Variants in ASTN2 observed in about 807,000 individuals in gnomAD.
The protein encoded by ASTN2 is astrotactin-2.
ASTN2 carries 54 observed loss-of-function variants against 139.8 expected under a neutral mutation model. That is an observed-to-expected ratio of 0.39 (90% CI 0.31 to 0.48). ASTN2 has a LOEUF of 0.48. Ranked by LOEUF, ASTN2 falls within the 20% of genes least tolerant of loss-of-function variation. The pLI, the probability that ASTN2 is intolerant of heterozygous loss-of-function variation, is 0.95. For synonymous variants in ASTN2, 756 were observed against 719.5 expected (o/e 1.05, Z -0.81); for missense variants, 1,565 against 1,725.1 (o/e 0.91, Z 1.64).
At chr9:116,722,593 G>T (rs1484380841) in intron 16 of ASTN2, among the ~76,000 whole-genome samples, 3 of 152,140 alleles carry the variant, frequency 2.0e-5, no homozygotes, top group Non-Finnish European at 4.4e-5. Flanking sequence ...CATCTTCTTG[G>T]CCTTTTGCCT....
intron 13 of ASTN2, among the ~76,000 whole-genome samples, chr9:116,749,889 C>T (rs1204035146): frequency 6.6e-6 from 1 of 152,206 alleles, no homozygotes; most frequent in Non-Finnish European, 1.5e-5. Flanking sequence ...CTCCCCCTAC[C>T]TTCCAACATA....
intron 10 of ASTN2, among the ~76,000 whole-genome samples, chr9:116,896,255 C>A (rs1433978521): frequency 6.6e-6 from 1 of 152,120 alleles, no homozygotes; most frequent in African/African-American, 2.4e-5. Context: ...TGGAGGAAAG[C>A]AAACAAGGGT....
intron 11 of ASTN2, among the ~76,000 whole-genome samples, chr9:116,840,931 C>A (rs916632112): frequency 1.1e-4 from 17 of 151,118 alleles, no homozygotes; most frequent in Non-Finnish European, 2.4e-4. Context: ...ACATCCCAGA[C>A]GATAGGCGGC....
intron 10 of ASTN2, among the ~76,000 whole-genome samples, chr9:116,943,556 A>C (rs573600815): frequency 6.6e-6 from 1 of 152,154 alleles, no homozygotes; most frequent in Non-Finnish European, 1.5e-5. Flanking sequence ...TATGTACATT[A>C]TATCTCCAAA....
At chr9:117,261,012 T>A (rs1180523310) in intron 2 of ASTN2, among the ~76,000 whole-genome samples, 2 of 152,184 alleles carry the variant, frequency 1.3e-5, no homozygotes, top group Non-Finnish European at 2.9e-5. Flanking sequence ...GTGAATAAAT[T>A]GTAAAGTGAA....
intron 2 of ASTN2, among the ~76,000 whole-genome samples, chr9:117,267,930 G>A (rs550106210): frequency 2.6e-4 from 39 of 152,320 alleles, no homozygotes; most frequent in African/African-American, 9.4e-4. Flanking sequence ...AGCCAGAGCA[G>A]ACCCACTTTG....
chr9:117,281,024 C>T (rs967241292), intron 2 of ASTN2, among the ~76,000 whole-genome samples: 2 of 152,092 alleles, frequency 1.3e-5, no homozygotes, highest in African/African-American at 4.8e-5. Flanking sequence ...TTTTCTGCCC[C>T]ATTTATTTAT....
At chr9:116,706,304 C>T (rs570421789) in intron 16 of ASTN2, among the ~76,000 whole-genome samples, 2 of 152,274 alleles carry the variant, frequency 1.3e-5, no homozygotes, top group African/African-American at 4.8e-5. Context: ...TACAGTCAGA[C>T]TCATTTGTTG....
At chr9:116,672,388 T>G (rs1461395657) in intron 16 of ASTN2, among the ~76,000 whole-genome samples, 1 of 151,974 alleles carries the variant, frequency 6.6e-6, no homozygotes, top group African/African-American at 2.4e-5. Context: ...AATCTAGTAA[T>G]TATAAACTTC....
intron 5 of ASTN2, among the ~76,000 whole-genome samples, chr9:117,091,926 T>C (rs1482258974): frequency 6.6e-6 from 1 of 152,118 alleles, no homozygotes; most frequent in Non-Finnish European, 1.5e-5. Flanking sequence ...AGAGGACTTT[T>C]AGCAGTTTTA....
chr9:116,865,613 T>C (rs1156247426), intron 10 of ASTN2, among the ~76,000 whole-genome samples: 1 of 151,960 alleles, frequency 6.6e-6, no homozygotes, highest in East Asian at 1.9e-4. Flanking sequence ...ATCCCCACAG[T>C]AGCCAGTCAT....
At chr9:116,917,678 C>T (rs1230562369) in intron 10 of ASTN2, among the ~76,000 whole-genome samples, 3 of 152,166 alleles carry the variant, frequency 2.0e-5, no homozygotes, top group Admixed American at 6.5e-5. Flanking sequence ...CTTATAAATA[C>T]TGCAGAGGAG....
intron 5 of ASTN2, among the ~76,000 whole-genome samples, chr9:117,075,506 G>A (rs568654423): frequency 5.5e-5 from 8 of 145,152 alleles, no homozygotes; most frequent in Non-Finnish European, 9.2e-5. Flanking sequence ...GGGGGAGGGG[G>A]AGGAGGAGGA....
chr9:116,533,480 T>G (rs908752599), intron 19 of ASTN2, among the ~76,000 whole-genome samples: 2 of 152,210 alleles, frequency 1.3e-5, no homozygotes, highest in African/African-American at 4.8e-5. Context: ...CTGTTCAGTA[T>G]GATATTGGCT....
chr9:116,798,186 A>G (rs1437037495), intron 13 of ASTN2, among the ~76,000 whole-genome samples: 2 of 152,206 alleles, frequency 1.3e-5, no homozygotes, highest in African/African-American at 4.8e-5. Context: ...CAGGAGAATC[A>G]GGTCAGCCCA....
At chr9:117,017,536 C>G (rs1273197883) in intron 6 of ASTN2, among the ~76,000 whole-genome samples, 1 of 152,142 alleles carries the variant, frequency 6.6e-6, no homozygotes, top group Non-Finnish European at 1.5e-5. Flanking sequence ...CTGTACGATT[C>G]TAGAACAAAT....
intron 10 of ASTN2, among the ~76,000 whole-genome samples, chr9:116,921,779 C>T (rs1266319752): frequency 6.6e-6 from 1 of 152,084 alleles, no homozygotes; most frequent in Non-Finnish European, 1.5e-5. Flanking sequence ...ACTGGCTAAA[C>T]ACTTATCTGA....
intron 20 of ASTN2, among the ~76,000 whole-genome samples, chr9:116,445,581 G>C (rs1007104493): frequency 7.9e-5 from 12 of 152,202 alleles, no homozygotes; most frequent in African/African-American, 2.7e-4. Context: ...GCATGAATAA[G>C]AGAGCCCCCA....
intron 5 of ASTN2, among the ~76,000 whole-genome samples, chr9:117,072,523 A>C (rs2132711425): frequency 6.6e-6 from 1 of 152,318 alleles, no homozygotes; most frequent in African/African-American, 2.4e-5. Flanking sequence ...AGAGATGAAA[A>C]GAAGAATGAA....
Sources: gnomAD v4.1 joint callset for allele counts (sites outside exome capture counted in the v4.1 genomes callset) on GRCh38, gnomAD v4.1.1 for gene constraint, MANE v1.5 for transcripts, NCBI Gene and HGNC (gene_info 2026-07-23, HGNC 2026-07-21) for gene names.